Variants in TMEM117 observed in about 807,000 individuals in gnomAD.
The protein encoded by TMEM117 is transmembrane protein 117.
A neutral mutation model predicts 52.4 loss-of-function variants in TMEM117; 27 were observed. That is an observed-to-expected ratio of 0.51 (90% confidence interval 0.38 to 0.71). TMEM117 has a LOEUF of 0.71. Among genes scored for constraint, TMEM117 ranks in the 30% least tolerant of loss-of-function variants. The pLI, the probability that TMEM117 is intolerant of heterozygous loss-of-function variation, is 0.00. For missense variants in TMEM117, 556 were observed against 630.5 expected (o/e 0.88, Z 1.26); for synonymous variants, 215 against 206.3 (o/e 1.04, Z -0.36).
At chr12:44,178,035 A>AT (rs1241244906) in intron 4 of TMEM117, among the ~76,000 whole-genome samples, 6 of 152,006 alleles carry the variant, frequency 3.9e-5, no homozygotes, top group African/African-American at 9.7e-5. Flanking sequence ...TCACCTAAGT[A>AT]TTTTTTTTCA....
intron 3 of TMEM117, among the ~76,000 whole-genome samples, chr12:43,975,970 C>G (rs1446537780): frequency 6.6e-6 from 1 of 152,116 alleles, no homozygotes; most frequent in East Asian, 1.9e-4. Context: ...CTCAGCCTAT[C>G]AGTCTTTGGG....
intron 3 of TMEM117, among the ~76,000 whole-genome samples, chr12:44,128,566 C>T (rs1484809928): frequency 6.6e-6 from 1 of 152,180 alleles, no homozygotes; most frequent in Non-Finnish European, 1.5e-5. Flanking sequence ...AAGCAGCTGC[C>T]TTTAAGTTCC....
At chr12:43,847,095 G>T (rs991644233) in intron 2 of TMEM117, among the ~76,000 whole-genome samples, 6 of 152,146 alleles carry the variant, frequency 3.9e-5, no homozygotes, top group Non-Finnish European at 7.3e-5. Context: ...TGTTGTTGGT[G>T]GTGGGGCAGA....
intron 3 of TMEM117, among the ~76,000 whole-genome samples, chr12:44,037,163 C>T (rs935143183): frequency 3.3e-5 from 5 of 152,184 alleles, no homozygotes; most frequent in Middle Eastern, 3.4e-3. Context: ...CCACCCAAGC[C>T]GTGGCTGCAG....
At chr12:44,090,211 G>T (rs1947639283) in intron 3 of TMEM117, among the ~76,000 whole-genome samples, 1 of 151,736 alleles carries the variant, frequency 6.6e-6, no homozygotes, top group South Asian at 2.1e-4. Context: ...AGATTCAGGG[G>T]GTACATGTGC....
chr12:44,076,326 TTTC>T (rs1947381456), intron 3 of TMEM117, among the ~76,000 whole-genome samples: 1 of 152,214 alleles, frequency 6.6e-6, no homozygotes, highest in Admixed American at 6.5e-5. Flanking sequence ...TGAGCCTCTT[TTTC>T]TTCTATTAAT....
intron 6 of TMEM117, among the ~76,000 whole-genome samples, chr12:44,365,970 T>TC (rs1015222056): frequency 8.5e-5 from 13 of 152,178 alleles, no homozygotes; most frequent in African/African-American, 3.1e-4. Context: ...TCCTGTAACC[T>TC]CACTGACTGT....
At chr12:44,053,015 G>C (rs1342101062) in intron 3 of TMEM117, among the ~76,000 whole-genome samples, 1 of 152,102 alleles carries the variant, frequency 6.6e-6, no homozygotes, top group Non-Finnish European at 1.5e-5. Flanking sequence ...GGGTGCAAAA[G>C]TTCTTGATCA....
chr12:44,177,814 G>A (rs2138302505), intron 4 of TMEM117, among the ~76,000 whole-genome samples: 1 of 152,152 alleles, frequency 6.6e-6, no homozygotes, highest in South Asian at 2.1e-4. Context: ...ATGCTTCGAT[G>A]CCTCCAATAA....
intron 7 of TMEM117, among the ~76,000 whole-genome samples, chr12:44,384,014 T>C (rs1036264344): frequency 1.3e-5 from 2 of 152,148 alleles, no homozygotes; most frequent in African/African-American, 4.8e-5. Flanking sequence ...TTAAGGATTA[T>C]CTAGCTCAAC....
chr12:43,897,115 C>A (rs1293309991), intron 2 of TMEM117, among the ~76,000 whole-genome samples: 1 of 152,118 alleles, frequency 6.6e-6, no homozygotes, highest in East Asian at 1.9e-4. Flanking sequence ...TGTTCTTTTG[C>A]AACCCCAAAT....
intron 3 of TMEM117, among the ~76,000 whole-genome samples, chr12:44,098,669 G>A (rs891727590): frequency 4.6e-5 from 7 of 152,032 alleles, no homozygotes; most frequent in African/African-American, 1.4e-4. Context: ...GAGTCTGAAG[G>A]CTGGGAGCCA....
At chr12:44,277,466 T>A (rs1249710262) in intron 5 of TMEM117, among the ~76,000 whole-genome samples, 1 of 152,224 alleles carries the variant, frequency 6.6e-6, no homozygotes, top group East Asian at 1.9e-4. Context: ...AAAAGTTTGT[T>A]GAGACATGGC....
At chr12:43,867,229 A>G (rs1943617580) in intron 2 of TMEM117, among the ~76,000 whole-genome samples, 2 of 152,252 alleles carry the variant, frequency 1.3e-5, no homozygotes, top group South Asian at 4.1e-4. Flanking sequence ...CACTTTAGCA[A>G]GATTCTTGTA....
intron 6 of TMEM117, among the ~76,000 whole-genome samples, chr12:44,375,964 T>G (rs1951935392): frequency 6.6e-6 from 1 of 152,160 alleles, no homozygotes; most frequent in Non-Finnish European, 1.5e-5. Context: ...CCAGGAAATA[T>G]CTAATGACAT....
chr12:43,799,490 A>T, the TMEM117 span: 107 of 1,595,482 alleles, frequency 6.7e-5, no homozygotes, highest in Middle Eastern at 1.7e-4. Flanking sequence ...TATCCATGTA[A>T]TGATACATCT....
intron 6 of TMEM117, among the ~76,000 whole-genome samples, chr12:44,356,750 G>A (rs185823864): frequency 4.6e-5 from 7 of 152,144 alleles, no homozygotes; most frequent in African/African-American, 1.7e-4. Flanking sequence ...GGTGCCATTA[G>A]TAACTTCTGA....
chr12:43,829,459 T>G, the TMEM117 span, among the ~76,000 whole-genome samples: 1 of 152,340 alleles, frequency 6.6e-6, no homozygotes, highest in Admixed American at 6.5e-5. Flanking sequence ...GATTGGGTGG[T>G]GTATTTGGTA....
chr12:44,358,688 A>G (rs890973853), intron 6 of TMEM117, among the ~76,000 whole-genome samples: 4 of 152,164 alleles, frequency 2.6e-5, no homozygotes, highest in Admixed American at 2.0e-4. Context: ...CATAAATGAC[A>G]TACTATGATT....
Sources: gnomAD v4.1 joint callset for allele counts (sites outside exome capture counted in the v4.1 genomes callset) on GRCh38, gnomAD v4.1.1 for gene constraint, MANE v1.5 for transcripts, NCBI Gene and HGNC (gene_info 2026-07-23, HGNC 2026-07-21) for gene names.